Variants in KHDRBS2 observed in about 807,000 individuals in gnomAD.
KHDRBS2 encodes the protein KH domain-containing, RNA-binding, signal transduction-associated protein 2.
In KHDRBS2, 26 loss-of-function variants were observed where a neutral mutation model predicts 44.3. The ratio of observed to expected loss-of-function variants is 0.59; its 90% CI spans 0.43 to 0.81. The LOEUF is 0.81. Ranked by LOEUF, KHDRBS2 falls within the 40% of genes least tolerant of loss-of-function variation. KHDRBS2 has a pLI of 0.00. For synonymous variants in KHDRBS2, 194 were observed against 151.1 expected, an observed-to-expected ratio of 1.28 and a Z score of -2.08; for missense variants, 476 against 433.1, an observed-to-expected ratio of 1.10 and a Z score of -0.88.
intron 2 of KHDRBS2, among the ~76,000 whole-genome samples, chr6:62,109,542 C>T (rs184757155): frequency 6.6e-6 from 1 of 151,682 alleles, no homozygotes; most frequent in East Asian, 1.9e-4. Context: ...GTAGAAAATC[C>T]AATGGAATCT....
chr6:62,012,556 G>C (rs1004257698), intron 3 of KHDRBS2, among the ~76,000 whole-genome samples: 1 of 152,032 alleles, frequency 6.6e-6, no homozygotes, highest in Non-Finnish European at 1.5e-5. Flanking sequence ...CTCATCTTGT[G>C]ACACTTTTCT....
At chr6:62,274,555 CTTT>C (rs1279527259) in intron 1 of KHDRBS2, among the ~76,000 whole-genome samples, 3 of 152,164 alleles carry the variant, frequency 2.0e-5, no homozygotes, top group Non-Finnish European at 2.9e-5. Context: ...TAAATATTCT[CTTT>C]CTTATCAGAT....
intron 6 of KHDRBS2, among the ~76,000 whole-genome samples, chr6:61,781,098 A>G (rs1562165954): frequency 6.6e-6 from 1 of 152,308 alleles, no homozygotes; most frequent in East Asian, 1.9e-4. Context: ...AATTTGAGGA[A>G]AATATGTCTA....
intron 4 of KHDRBS2, among the ~76,000 whole-genome samples, chr6:61,945,111 A>ATATAT (rs1242129681): frequency 7.9e-5 from 3 of 37,776 alleles, no homozygotes; most frequent in Admixed American, 3.9e-4. Flanking sequence ...AAAAAAAAAA[A>ATATAT]AGTATATATA....
At chr6:62,021,425 A>G (rs966937222) in intron 3 of KHDRBS2, among the ~76,000 whole-genome samples, 2 of 151,896 alleles carry the variant, frequency 1.3e-5, no homozygotes, top group African/African-American at 4.8e-5. Flanking sequence ...AAAAATAAAA[A>G]TAAAAATGTG....
chr6:61,794,759 C>T (rs1357134046), intron 6 of KHDRBS2, among the ~76,000 whole-genome samples: 1 of 152,058 alleles, frequency 6.6e-6, no homozygotes, highest in Non-Finnish European at 1.5e-5. Flanking sequence ...ATACATGTTG[C>T]TGTGTTTTTT....
In KHDRBS2 at chr6:62,127,701, A is replaced by G. The variant is rs565191395; in HGVS notation, c.219+49484T>C. 5.3e-5 allele frequency among the ~76,000 whole-genome samples: 8 copies of G among 152,224 alleles called. No individual in the cohort carries two copies. In the East Asian group the frequency reaches 1.5e-3, roughly 29 times the overall value. ...TTTTCTCTCTGGAGCCACACAGAACAAATCTACTGTCTTCAATTATTTGAA... is the reference window on the plus strand; with the variant it reads ...TTTTCTCTCTGGAGCCACACAGAACGAATCTACTGTCTTCAATTATTTGAA... On this transcript the variant is annotated intron_variant, in intron 2 of 8. Coordinates refer to ENST00000281156, the MANE Select transcript of KHDRBS2 (RefSeq NM_152688.4).
chr6:62,131,577 A>G (rs943519938), intron 2 of KHDRBS2, among the ~76,000 whole-genome samples: 2 of 152,178 alleles, frequency 1.3e-5, no homozygotes, highest in African/African-American at 4.8e-5. Context: ...CTGATGAAAC[A>G]TAGACATTCT....
intron 6 of KHDRBS2, among the ~76,000 whole-genome samples, chr6:61,881,876 T>G (rs1346849692): frequency 2.0e-5 from 3 of 152,032 alleles, no homozygotes; most frequent in African/African-American, 7.2e-5. Context: ...CAGTTACTAT[T>G]TTGGTTGGTT....
At chr6:62,277,709 C>A (rs927583994) in intron 1 of KHDRBS2, among the ~76,000 whole-genome samples, 1 of 152,146 alleles carries the variant, frequency 6.6e-6, no homozygotes, top group East Asian at 1.9e-4. Context: ...CAGTAGAGTA[C>A]TAGTCTGATG....
chr6:61,730,366 T>C (rs901713566), intron 7 of KHDRBS2, among the ~76,000 whole-genome samples: 7 of 152,236 alleles, frequency 4.6e-5, no homozygotes, highest in African/African-American at 1.4e-4. Context: ...TGTATCCCCA[T>C]GGTGTAGAAC....
intron 7 of KHDRBS2, among the ~76,000 whole-genome samples, chr6:61,717,159 A>G (rs1271898009): frequency 6.6e-6 from 1 of 152,060 alleles, no homozygotes. Flanking sequence ...ATTTTTAAAT[A>G]CAGATTGACT....
chr6:62,203,140 G>A (rs1389572445), intron 1 of KHDRBS2, among the ~76,000 whole-genome samples: 2 of 152,128 alleles, frequency 1.3e-5, no homozygotes, highest in Non-Finnish European at 2.9e-5. Context: ...GGAGAGTGGA[G>A]AGGTATCCAG....
chr6:61,676,233 G>A (rs1339502478), downstream of KHDRBS2, among the ~76,000 whole-genome samples: 1 of 151,780 alleles, frequency 6.6e-6, no homozygotes, highest in East Asian at 1.9e-4. Context: ...GAGAAGCCTA[G>A]CATATTCATT....
At chr6:62,221,393 T>C (rs1830868653) in intron 1 of KHDRBS2, among the ~76,000 whole-genome samples, 1 of 152,020 alleles carries the variant, frequency 6.6e-6, no homozygotes, top group African/African-American at 2.4e-5. Flanking sequence ...ATGTACCACA[T>C]TAGGACTATA....
chr6:61,574,411 G>A, the KHDRBS2 span: 2 of 1,519,606 alleles, frequency 1.3e-6, no homozygotes, highest in Non-Finnish European at 1.8e-6. Flanking sequence ...AATACAACAA[G>A]ACGAGAAGAC....
intron 2 of KHDRBS2, among the ~76,000 whole-genome samples, chr6:62,162,120 C>A (rs1817777864): frequency 6.6e-6 from 1 of 151,976 alleles, no homozygotes. Flanking sequence ...GAGCTACAAA[C>A]CATTGTTAAG....
At chr6:61,867,831 A>T (rs1316560831) in intron 6 of KHDRBS2, among the ~76,000 whole-genome samples, 1 of 152,142 alleles carries the variant, frequency 6.6e-6, no homozygotes, top group Admixed American at 6.6e-5. Context: ...TGGGAGCTCC[A>T]TCCCAGGGGG....
rs16868380 is a variant in KHDRBS2, at chr6:61,985,873, A to G, written c.337-7661T>C. 7.9e-3 allele frequency among the ~76,000 whole-genome samples: 1,201 copies of G among 152,242 alleles called. 16 individuals carry two copies. The highest frequency in any genetic ancestry group is 0.028 in the African/African-American group (1,163 of 41,544). Reference sequence around the variant, plus strand: ...TCTTCTATGATACATGACCAGCAAAATTAAAAATAAATGACCGCTTTTATG... The same window carrying G: ...TCTTCTATGATACATGACCAGCAAAGTTAAAAATAAATGACCGCTTTTATG... On this transcript the variant is annotated intron_variant, in intron 3 of 8. Coordinates refer to ENST00000281156, the MANE Select transcript of KHDRBS2 (RefSeq NM_152688.4).
Sources: gnomAD v4.1 joint callset for allele counts (sites outside exome capture counted in the v4.1 genomes callset) on GRCh38, gnomAD v4.1.1 for gene constraint, MANE v1.5 for transcripts, NCBI Gene and HGNC (gene_info 2026-07-23, HGNC 2026-07-21) for gene names.